Variants in STOX1 observed in about 807,000 individuals in gnomAD.
STOX1 encodes storkhead box 1.
In STOX1, 57 loss-of-function variants were observed where a neutral mutation model predicts 74.8. The ratio of observed to expected loss-of-function variants is 0.76; its 90% CI spans 0.62 to 0.95. The LOEUF (loss-of-function observed/expected upper bound fraction) is 0.95, where lower values mean the gene tolerates loss of function less well. Ranked by LOEUF, STOX1 falls within the 40% of genes least tolerant of loss-of-function variation. The pLI is 0.00. For synonymous variants in STOX1, 375 were observed against 401.3 expected (o/e 0.93, Z 0.78); for missense variants, 1,010 against 1,117.0 (o/e 0.90, Z 1.37).
At chr10:68,855,977 G>T (rs1212335725) in intron 1 of STOX1, among the ~76,000 whole-genome samples, 2 of 152,064 alleles carry the variant, frequency 1.3e-5, no homozygotes, top group East Asian at 3.9e-4. Context: ...TGTGAGCTGG[G>T]ACCATCCCCT....
chr10:68,838,079 C>CTTTTTTTTTTTTTT (rs1839603862), intron 1 of STOX1, among the ~76,000 whole-genome samples: 1 of 142,914 alleles, frequency 7.0e-6, no homozygotes. Context: ...TTCTTTTTTC[C>CTTTTTTTTTTTTTT]TTTTTGAGAT....
In STOX1 at chr10:68,889,783, T is replaced by C. The variant is rs984841742; in HGVS notation, c.2823-2806T>C. Among the ~76,000 whole-genome samples, 4 of 151,494 alleles carry C rather than the reference T, an allele frequency of 2.6e-5. No homozygotes were observed. The East Asian group carries it at 5.9e-4, about 22-fold the overall frequency. On this transcript the variant is annotated intron_variant, in intron 3 of 3. Coordinates refer to ENST00000298596, the MANE Select transcript of STOX1 (RefSeq NM_152709.5). Reference sequence around the variant, plus strand: ...TTCACCATGTTGTCCAGGCTGGTCTTGAACTCCTGCCTCAGGTGATCCACT... The same window carrying C: ...TTCACCATGTTGTCCAGGCTGGTCTCGAACTCCTGCCTCAGGTGATCCACT...
chr10:68,849,914 T>C (rs1393929163), intron 1 of STOX1, among the ~76,000 whole-genome samples: 1 of 152,208 alleles, frequency 6.6e-6, no homozygotes, highest in African/African-American at 2.4e-5. Context: ...AAGATACGGC[T>C]TGCCCTTTAA....
chr10:68,889,077 C>T (rs1174742926), intron 3 of STOX1, among the ~76,000 whole-genome samples: 1 of 152,116 alleles, frequency 6.6e-6, no homozygotes, highest in Non-Finnish European at 1.5e-5. Flanking sequence ...GCCTCCTCGG[C>T]TCAAGCCATC....
rs528579019 is a variant in STOX1, at chr10:68,837,625, G to T, written c.310+9692G>T. Reference sequence around the variant, plus strand: ...AATGGTGGCGCCTTGGAAGGGTGATGTAAGCCCCCATGGGCCTACGGGAGT... The same window carrying T: ...AATGGTGGCGCCTTGGAAGGGTGATTTAAGCCCCCATGGGCCTACGGGAGT... On this transcript the variant is annotated intron_variant, in intron 1 of 3. Transcript: ENST00000298596. Among the ~76,000 whole-genome samples, 41 of 152,354 alleles carry T rather than the reference G, an allele frequency of 2.7e-4. 1 individual carries two copies. Among genetic ancestry groups the T allele is most frequent in the Admixed American group, 1.2e-3 (19 of 15,308 alleles).
chr10:68,878,246 T>C (rs1840727201), intron 1 of STOX1, among the ~76,000 whole-genome samples: 1 of 152,204 alleles, frequency 6.6e-6, no homozygotes, highest in Admixed American at 6.5e-5. Flanking sequence ...AATTGTACTT[T>C]AATTTCACAT....
At chr10:68,836,790 G>A (rs1018644703) in intron 1 of STOX1, among the ~76,000 whole-genome samples, 35 of 152,314 alleles carry the variant, frequency 2.3e-4, no homozygotes, top group African/African-American at 8.2e-4. Flanking sequence ...CTTGGCCCTG[G>A]CCTCACCTGG....
chr10:68,844,765 ATATT>A (rs1471948218), intron 1 of STOX1, among the ~76,000 whole-genome samples: 1 of 149,522 alleles, frequency 6.7e-6, no homozygotes, highest in Non-Finnish European at 1.5e-5. Context: ...TTATTTTTTA[ATATT>A]TATTTATTTT....
chr10:68,848,791 A>G (rs914174717), intron 1 of STOX1, among the ~76,000 whole-genome samples: 2 of 152,088 alleles, frequency 1.3e-5, no homozygotes, highest in Non-Finnish European at 2.9e-5. Context: ...CAGCCATCCA[A>G]GTAGCTAGGA....
intron 1 of STOX1, among the ~76,000 whole-genome samples, chr10:68,876,038 C>T (rs1351396180): frequency 2.6e-5 from 4 of 151,066 alleles, no homozygotes; most frequent in Non-Finnish European, 5.9e-5. Context: ...TTAAACTCCT[C>T]ATACTTTGCT....
intron 1 of STOX1, among the ~76,000 whole-genome samples, chr10:68,867,388 A>G (rs530425743): frequency 4.6e-5 from 7 of 152,334 alleles, no homozygotes; most frequent in Middle Eastern, 3.4e-3. Context: ...ATATCCTAAC[A>G]GGGAACTGCC....
At chr10:68,838,116 G>T (rs1839605830) in intron 1 of STOX1, among the ~76,000 whole-genome samples, 1 of 151,376 alleles carries the variant, frequency 6.6e-6, no homozygotes, top group African/African-American at 2.4e-5. Flanking sequence ...GCCCAGGCTG[G>T]AGTGTCGTGG....
chr10:68,863,923 T>G (rs1383604005), intron 1 of STOX1, among the ~76,000 whole-genome samples: 2 of 150,102 alleles, frequency 1.3e-5, no homozygotes, highest in Non-Finnish European at 3.0e-5. Context: ...TCTGCTTGTT[T>G]TTTTTTTTTT....
At chr10:68,829,112 C>T (rs1179091509) in intron 1 of STOX1, 10 of 398,440 alleles carry the variant, frequency 2.5e-5, no homozygotes, top group Admixed American at 6.4e-5. Context: ...TTCATTCTTA[C>T]CAAGGAACCC....
At chr10:68,855,714 G>C (rs373805256) in intron 1 of STOX1, among the ~76,000 whole-genome samples, 2 of 151,582 alleles carry the variant, frequency 1.3e-5, no homozygotes, top group African/African-American at 4.9e-5. Context: ...CAAAATGGCA[G>C]GATTATAGGC....
At chr10:68,849,924 A>C (rs2133533156) in intron 1 of STOX1, among the ~76,000 whole-genome samples, 1 of 152,300 alleles carries the variant, frequency 6.6e-6, no homozygotes, top group Admixed American at 6.5e-5. Context: ...TTGCCCTTTA[A>C]ATGGTAATTG....
At chr10:68,861,265 C>T (rs186245761) in intron 1 of STOX1, among the ~76,000 whole-genome samples, 6 of 152,220 alleles carry the variant, frequency 3.9e-5, no homozygotes, top group Non-Finnish European at 5.9e-5. Flanking sequence ...TGATAAACAT[C>T]GTTTCTGCAG....
At chr10:68,848,223 T>C (rs1354028033) in intron 1 of STOX1, among the ~76,000 whole-genome samples, 1 of 152,200 alleles carries the variant, frequency 6.6e-6, no homozygotes, top group Non-Finnish European at 1.5e-5. Flanking sequence ...GCATTTTCCT[T>C]CCCATGTCTC....
chr10:68,828,659 G>A (rs928600357), intron 1 of STOX1, among the ~76,000 whole-genome samples: 2 of 152,200 alleles, frequency 1.3e-5, no homozygotes, highest in Non-Finnish European at 2.9e-5. Flanking sequence ...TACCCCAGGG[G>A]AATGGCCAGA....
Sources: allele counts gnomAD v4.1 joint callset (sites outside exome capture counted in the v4.1 genomes callset), GRCh38; gene constraint gnomAD v4.1.1; transcripts MANE v1.5; gene names NCBI Gene and HGNC (gene_info 2026-07-23, HGNC 2026-07-21).